Variants in ATRNL1 observed in about 807,000 individuals in gnomAD.
ATRNL1 encodes attractin-like protein 1.
A neutral mutation model predicts 182.7 loss-of-function variants in ATRNL1; 95 were observed. The observed-to-expected ratio is 0.52, with a 90% CI of 0.44 to 0.62. The LOEUF (loss-of-function observed/expected upper bound fraction) is 0.62. Ranked by LOEUF, ATRNL1 falls within the 20% of genes least tolerant of loss-of-function variation. ATRNL1 has a pLI of 0.00. For missense variants in ATRNL1, 1,471 were observed against 1,679.5 expected, an observed-to-expected ratio of 0.88 and a Z score of 2.17; for synonymous variants, 576 against 568.3, an observed-to-expected ratio of 1.01 and a Z score of -0.19.
chr10:115,573,919 A>T (rs1364154157), intron 26 of ATRNL1, among the ~76,000 whole-genome samples: 3 of 152,132 alleles, frequency 2.0e-5, no homozygotes, highest in African/African-American at 7.2e-5. Context: ...CCAGGTATGT[A>T]ATTAAGAAAA....
chr10:115,830,958 C>G (rs988094457), intron 27 of ATRNL1, among the ~76,000 whole-genome samples: 3 of 152,100 alleles, frequency 2.0e-5, no homozygotes, highest in African/African-American at 4.8e-5. Context: ...GCAGGCCTTG[C>G]CTTTTTATCC....
chr10:115,900,919 A>G (rs1555113433), intron 28 of ATRNL1, among the ~76,000 whole-genome samples: 1 of 152,246 alleles, frequency 6.6e-6, no homozygotes, highest in African/African-American at 2.4e-5. Flanking sequence ...ATATGTGAAT[A>G]GTAGTCAATT....
At chr10:115,208,141 T>G (rs1345224833) in intron 8 of ATRNL1, among the ~76,000 whole-genome samples, 1 of 152,098 alleles carries the variant, frequency 6.6e-6, no homozygotes, top group African/African-American at 2.4e-5. Flanking sequence ...GGCATTCATT[T>G]ATAGGCATTC....
At chr10:115,449,245 A>C (rs1847165607) in intron 21 of ATRNL1, among the ~76,000 whole-genome samples, 1 of 152,200 alleles carries the variant, frequency 6.6e-6, no homozygotes, top group Non-Finnish European at 1.5e-5. Context: ...AAAGGAGAGA[A>C]GAGAAGAAGC....
chr10:115,212,883 G>A (rs1004694852), intron 8 of ATRNL1, among the ~76,000 whole-genome samples: 4 of 151,994 alleles, frequency 2.6e-5, no homozygotes, highest in Non-Finnish European at 4.4e-5. Context: ...GATCAGGAAA[G>A]TAACTAATGG....
chr10:115,504,464 T>C (rs1850006976), intron 24 of ATRNL1, among the ~76,000 whole-genome samples: 1 of 152,068 alleles, frequency 6.6e-6, no homozygotes, highest in African/African-American at 2.4e-5. Flanking sequence ...TTACTAAATT[T>C]AAGATGTATC....
intron 1 of ATRNL1, among the ~76,000 whole-genome samples, chr10:115,107,075 A>G (rs1428880870): frequency 6.6e-6 from 1 of 152,166 alleles, no homozygotes; most frequent in African/African-American, 2.4e-5. Flanking sequence ...TAACAGCGTT[A>G]ATGCCCTCAT....
At chr10:115,196,698 T>G (rs1554891159) in intron 8 of ATRNL1, among the ~76,000 whole-genome samples, 1 of 152,160 alleles carries the variant, frequency 6.6e-6, no homozygotes, top group Non-Finnish European at 1.5e-5. Context: ...TTAAAAAATT[T>G]AAATTTATAA....
At chr10:115,461,345 C>A (rs1419164424) in intron 21 of ATRNL1, among the ~76,000 whole-genome samples, 1 of 151,976 alleles carries the variant, frequency 6.6e-6, no homozygotes, top group Admixed American at 6.6e-5. Context: ...TTAAAAATAT[C>A]TTTTCCCAGA....
At chr10:115,258,238 G>C (rs1851241629) in intron 10 of ATRNL1, among the ~76,000 whole-genome samples, 1 of 151,942 alleles carries the variant, frequency 6.6e-6, no homozygotes, top group Non-Finnish European at 1.5e-5. Context: ...ATCACTTTCA[G>C]GTACACCAAT....
intron 26 of ATRNL1, among the ~76,000 whole-genome samples, chr10:115,673,304 AGTATTTCATGGTAT>A (rs1208168751): frequency 6.6e-6 from 1 of 152,134 alleles, no homozygotes; most frequent in African/African-American, 2.4e-5. Flanking sequence ...ATGGCTGTGT[AGTATTTCATGGTAT>A]ATATGTACCA....
chr10:115,264,547 A>G (rs1554909878), intron 10 of ATRNL1, among the ~76,000 whole-genome samples: 1 of 151,540 alleles, frequency 6.6e-6, no homozygotes, highest in African/African-American at 2.4e-5. Flanking sequence ...ACGTTAGTAT[A>G]TATGTCAGTT....
intron 27 of ATRNL1, among the ~76,000 whole-genome samples, chr10:115,824,710 C>T (rs1355164205): frequency 1.3e-5 from 2 of 152,104 alleles, no homozygotes; most frequent in South Asian, 2.1e-4. Context: ...AAATCAAAAC[C>T]ACAATGAGAT....
At chr10:115,597,670 C>T (rs1565200705) in intron 26 of ATRNL1, 1 of 444,492 alleles carries the variant, frequency 2.2e-6, no homozygotes, top group East Asian at 7.4e-5. Flanking sequence ...CATCCTGGGT[C>T]AAGCAATTCT....
intron 26 of ATRNL1, among the ~76,000 whole-genome samples, chr10:115,667,613 TG>T (rs1861074255): frequency 6.6e-6 from 1 of 151,880 alleles, no homozygotes; most frequent in African/African-American, 2.4e-5. Flanking sequence ...GGCCTGGAAC[TG>T]GTCCAGCATT....
At chr10:115,786,742 T>G (rs1949406013) in intron 27 of ATRNL1, among the ~76,000 whole-genome samples, 2 of 152,210 alleles carry the variant, frequency 1.3e-5, no homozygotes, top group Non-Finnish European at 2.9e-5. Flanking sequence ...CCTCTAATTC[T>G]TCCTCATCTT....
At chr10:115,306,110 C>T (rs1853714395) in intron 17 of ATRNL1, among the ~76,000 whole-genome samples, 3 of 152,108 alleles carry the variant, frequency 2.0e-5, no homozygotes, top group Admixed American at 2.0e-4. Context: ...CATTCCTTCT[C>T]ATTTGTTCTA....
chr10:115,126,159 G>T (rs1347553332), intron 3 of ATRNL1, among the ~76,000 whole-genome samples: 2 of 152,166 alleles, frequency 1.3e-5, no homozygotes, highest in Non-Finnish European at 2.9e-5. Flanking sequence ...CCAGGTTCAA[G>T]CGATTCTCCT....
intron 27 of ATRNL1, among the ~76,000 whole-genome samples, chr10:115,779,639 AT>A (rs1434034921): frequency 6.6e-6 from 1 of 152,080 alleles, no homozygotes; most frequent in Admixed American, 6.5e-5. Flanking sequence ...ATCCTTTTTT[AT>A]TTTTTCTAAA....
Sources: allele counts gnomAD v4.1 joint callset (sites outside exome capture counted in the v4.1 genomes callset), GRCh38; gene constraint gnomAD v4.1.1; transcripts MANE v1.5; gene names NCBI Gene and HGNC (gene_info 2026-07-23, HGNC 2026-07-21).